Variants in MON1B observed in about 807,000 individuals in gnomAD.
MON1B encodes the protein vacuolar fusion protein MON1 homolog B.
MON1B carries 26 observed loss-of-function variants against 45.1 expected under a neutral mutation model. That is an observed-to-expected ratio of 0.58 (90% CI 0.42 to 0.80). The LOEUF (loss-of-function observed/expected upper bound fraction) is 0.80, where lower values mean the gene tolerates loss of function less well. MON1B is among the 30% of genes least tolerant of loss of function. The pLI is 0.00. For missense variants in MON1B, 737 were observed against 754.5 expected (o/e 0.98, Z 0.27); for synonymous variants, 395 against 320.2 (o/e 1.23, Z -2.49).
Position 77,201,837 on chromosome 16 carries a change from A to G in MON1B, c.*3529A>G, listed in dbSNP as rs568925354. 5 of 152,358 alleles carry G rather than the reference A, an allele frequency of 3.3e-5. No individual in the cohort carries two copies. The highest frequency in any genetic ancestry group is 7.3e-5 in the Non-Finnish European group (5 of 68,030). The allele number at this position is 152,358 out of a possible 1,614,324, so 9.4% of individuals were successfully genotyped here. ...TATTAAAATTAAATTATAAGTTGAT[A>G]GGATTATTATTGACACACAAGGAGC... is the stretch of plus-strand genomic sequence containing the variant. On this transcript the variant is annotated 3_prime_UTR_variant, in exon 6 of 6. Coordinates refer to ENST00000248248, the MANE Select transcript of MON1B (RefSeq NM_014940.4).
chr16:77,195,137 A>G lies in MON1B; in HGVS notation c.1278A>G (p.Gln426=), dbSNP rs1484734688. ...TGGACATCCCTGACCACCACCGCCA[A>G]CTGCCCCAGTTTACCAGGTAGGCCC... is the stretch of plus-strand genomic sequence containing the variant. ...KPLDIPDHHR[Q]LPQFTSPELE... The change falls in exon 4 of 6, where the codon CAA becomes CAG. Residue 426 remains glutamine, a synonymous_variant. Transcript: ENST00000248248. 1 of 1,595,278 alleles carries G rather than the reference A, an allele frequency of 6.3e-7. No homozygotes were observed. The highest frequency in any genetic ancestry group is 1.7e-5 in the Admixed American group (1 of 59,734).
rs1273001153 is a variant in MON1B at position 77,200,270 on chromosome 16, A to ATATATG, written c.*1963_*1964insATATGT. ...TATGTATATGTGTATATATATATAT[A>ATATATG]TGTGTATATATATATATATATACAC... On this transcript the variant is annotated 3_prime_UTR_variant, in exon 6 of 6. Coordinates refer to ENST00000248248, the MANE Select transcript of MON1B (RefSeq NM_014940.4). The ATATATG allele has an allele frequency of 2.6e-4, 25 of 94,998 alleles. No homozygotes were observed. Among genetic ancestry groups the ATATATG allele is most frequent in the African/African-American group, 7.8e-4 (23 of 29,328 alleles). The allele number at this position is 94,998 out of a possible 1,614,324, so 5.9% of individuals were successfully genotyped here. A position where few individuals can be genotyped will look rare whatever the true frequency, so the allele number is the denominator to read the frequency against.
At position 77,191,572 on chromosome 16, in the gene MON1B, A is replaced by T; in HGVS notation, c.87A>T (p.Arg29Ser). ...EDTQFPSEEA[R>S]EGGGVHAVPP... ...CGCAGTTCCCCAGTGAGGAAGCTAG[A>T]GAAGGTGGAGGGGTTCACGCGGTCC... is the stretch of plus-strand genomic sequence containing the variant. Residue 29 changes from arginine to serine, a missense_variant, in exon 2 of 6, where the codon AGA becomes AGT. Arg to Ser is a moderately radical substitution (Grantham distance 110). Transcript: ENST00000248248. The T allele has an allele frequency of 6.2e-7, 1 of 1,609,496 alleles. No individual in the cohort carries two copies. The highest frequency in any genetic ancestry group is 8.5e-7 in the Non-Finnish European group (1 of 1,178,814).
rs750807995 is a variant in MON1B, at chr16:77,191,515, G to A, written c.30G>A (p.Pro10=). The change falls in exon 2 of 6, where the codon CCG becomes CCA. Residue 10 remains proline (P), a synonymous_variant. Transcript: ENST00000248248. ...AGGTCGGAGGAGACACTGCTGCCCC[G>A]GCCCCCGGGGGCGCGGAGGACTTGG... MEVGGDTAA[P]APGGAEDLED... is the part of the protein sequence containing the mutation. 55 of 1,606,828 alleles carry A rather than the reference G, an allele frequency of 3.4e-5. No individual in the cohort carries two copies. Among genetic ancestry groups the A allele is most frequent in the Non-Finnish European group, 4.4e-5 (52 of 1,177,876 alleles).
In MON1B at chr16:77,194,392, G is replaced by A. The variant is rs536373996; in HGVS notation, c.533G>A (p.Arg178Gln). Residue 178 changes from arginine (R) to glutamine (Q), a missense_variant, in exon 4 of 6, where the codon CGG becomes CAG. Arg to Gln is a conservative substitution (Grantham distance 43, BLOSUM62 1). Coordinates refer to ENST00000248248, the MANE Select transcript of MON1B (RefSeq NM_014940.4). The surrounding 1 kb of genome is among the most constrained non-coding windows in gnomAD (Gnocchi z 8.1). ...CCACTGTTGCTCGTGGCCATGTCAC[G>A]GACTTCTCAGTCAGCAGCCCAGCTG... ...QGPLLLVAMS[R>Q]TSQSAAQLRG... 7.3e-5 allele frequency: 118 copies of A among 1,612,706 alleles called. No homozygotes were observed. The highest frequency in any genetic ancestry group is 9.4e-5 in the Non-Finnish European group (111 of 1,179,996).
At position 77,193,602 on chromosome 16, in the gene MON1B, C is replaced by T. The variant is rs1166904993; in HGVS notation, c.300C>T (p.Pro100=). 2 of 1,613,952 alleles carry T rather than the reference C, an allele frequency of 1.2e-6. No homozygotes were observed. Among genetic ancestry groups the T allele is most frequent in the African/African-American group, 1.3e-5 (1 of 74,914 alleles). Residue 100 remains proline (P), a synonymous_variant, in exon 3 of 6, where the codon CCC becomes CCT. Transcript: ENST00000248248. The surrounding 1 kb of genome is among the most constrained non-coding windows in gnomAD (Gnocchi z 5.0). The stretch of plus-strand genomic sequence containing the variant: ...GCTCTGGAGGCCAGGGCGGGGACCC[C>T]AGTGATGAGGAGTGGCGCAGCCAGC... ...ESSSGGQGGD[P]SDEEWRSQRK...
intron 1 of MON1B, 63 bp downstream of exon 1, chr16:77,191,321 G>GT (rs796675036): frequency 7.5e-6 from 11 of 1,457,412 alleles, no homozygotes; most frequent in Non-Finnish European, 9.1e-6. Flanking sequence ...AAGTGTTGGA[G>GT]GGGGGACGTA....
At chr16:77,196,295 T>C (rs1387384143) in intron 5 of MON1B, among the ~76,000 whole-genome samples, 2 of 144,426 alleles carry the variant, frequency 1.4e-5, no homozygotes, top group African/African-American at 5.2e-5. Context: ...AATTTTGTTT[T>C]TAAATTTTTT....
In MON1B at chr16:77,191,223, T is replaced by C. The variant is rs2054611537; in HGVS notation, c.-46T>C. ...TGCCACCGCCGCTACGGGGAAGTAA[T>C]GGTATCCGGCCAATTGAGATTCGGA... On this transcript the variant is annotated 5_prime_UTR_variant, in exon 1 of 6. The change abolishes an upstream ATG in the 5' untranslated region. Coordinates refer to ENST00000248248, the MANE Select transcript of MON1B (RefSeq NM_014940.4). 3 of 1,536,466 alleles carry C rather than the reference T, an allele frequency of 2.0e-6. No homozygotes were observed. Among genetic ancestry groups the C allele is most frequent in the Non-Finnish European group, 2.6e-6 (3 of 1,146,922 alleles).
Position 77,191,646 on chromosome 16 carries a change from T to G in MON1B, c.148+13T>G, listed in dbSNP as rs1222542331. On this transcript the variant is annotated intron_variant, in intron 2 of 5. Transcript: ENST00000248248. ...CTGGAGGAAACAGGTATGACTCCAC[T>G]TAGTGGGGTCTTAAAAGGAATCCTT... is the stretch of plus-strand genomic sequence containing the variant. The G allele has an allele frequency of 1.9e-6, 3 of 1,607,506 alleles. No homozygotes were observed. In the South Asian group the frequency reaches 3.3e-5, roughly 18 times the overall value.
In MON1B at chr16:77,199,338, C is replaced by T. The variant is rs28676830; in HGVS notation, c.*1030C>T. ...GCCCAGAGCTGACTCCTGATTTAAC[C>T]GCTGGCGTAACCGCGGGTTGCACGC... On this transcript the variant is annotated 3_prime_UTR_variant, in exon 6 of 6. Transcript: ENST00000248248. 78 of 1,034,070 alleles carry T rather than the reference C, an allele frequency of 7.5e-5. No homozygotes were observed. Among genetic ancestry groups the T allele is most frequent in the Non-Finnish European group, 9.7e-5 (68 of 699,790 alleles). 64.1% of individuals were successfully genotyped at this position (1,034,070 alleles called of 1,614,324 possible). A position where few individuals can be genotyped will look rare whatever the true frequency, so the allele number is the denominator to read the frequency against.
chr16:77,192,700 TA>T (rs2054626195), intron 2 of MON1B, among the ~76,000 whole-genome samples: 1 of 151,212 alleles, frequency 6.6e-6, no homozygotes, highest in Middle Eastern at 3.2e-3. Context: ...TTGTTGGGGG[TA>T]GGGGGGAGTA....
chr16:77,199,076 C>T lies in MON1B; in HGVS notation c.*768C>T, dbSNP rs982894668. ...TTTGATGAGGATTTGTAAACGAAAACAGACTCGAACTATTGTGTACCACCA... is the reference window on the plus strand; with the variant it reads ...TTTGATGAGGATTTGTAAACGAAAATAGACTCGAACTATTGTGTACCACCA... On this transcript the variant is annotated 3_prime_UTR_variant, in exon 6 of 6. Coordinates refer to ENST00000248248, the MANE Select transcript of MON1B (RefSeq NM_014940.4). 4.4e-5 allele frequency: 9 copies of T among 205,926 alleles called. No homozygotes were observed. Among genetic ancestry groups the T allele is most frequent in the Non-Finnish European group, 6.8e-5 (7 of 103,272 alleles). The allele number at this position is 205,926 out of a possible 1,614,324, so 12.8% of individuals were successfully genotyped here.
At chr16:77,197,342 G>A (rs1214809110) in intron 5 of MON1B, among the ~76,000 whole-genome samples, 1 of 152,180 alleles carries the variant, frequency 6.6e-6, no homozygotes, top group Non-Finnish European at 1.5e-5. Context: ...GTTGCAGTGA[G>A]CCGAGACCGT....
chr16:77,201,273 A>G lies in MON1B; in HGVS notation c.*2965A>G, dbSNP rs1160702337. The G allele has an allele frequency of 2.6e-5, 4 of 152,232 alleles. No homozygotes were observed. In the East Asian group the frequency reaches 5.8e-4, roughly 22 times the overall value. 9.4% of individuals were successfully genotyped at this position (152,232 alleles called of 1,614,324 possible). On this transcript the variant is annotated 3_prime_UTR_variant, in exon 6 of 6. Coordinates refer to ENST00000248248, the MANE Select transcript of MON1B (RefSeq NM_014940.4). ...ACAGACGGAAATAAGACAGATGCAAATAGATCTCATTTATTAACTGTGTAA... is the reference window on the plus strand; with the variant it reads ...ACAGACGGAAATAAGACAGATGCAAGTAGATCTCATTTATTAACTGTGTAA...
Position 77,193,980 on chromosome 16 carries a change from G to A in MON1B, c.475+203G>A. On this transcript the variant is annotated intron_variant, in intron 3 of 5. Coordinates refer to ENST00000248248, the MANE Select transcript of MON1B (RefSeq NM_014940.4). This position sits in a 1 kb window ranked among gnomAD's most constrained non-coding sequence, Gnocchi z 5.0. Reference sequence around the variant, plus strand: ...CTGGTTTCTTAGTGATTGACTTGCTGGGATCTCAGTGACTAGCTGGATACT... The same window carrying A: ...CTGGTTTCTTAGTGATTGACTTGCTAGGATCTCAGTGACTAGCTGGATACT... 1.6e-6 allele frequency: 1 copy of A among 617,378 alleles called. No homozygotes were observed. Among genetic ancestry groups the A allele is most frequent in the Non-Finnish European group, 2.8e-6 (1 of 353,008 alleles). 38.2% of individuals were successfully genotyped at this position (617,378 alleles called of 1,614,324 possible).
chr16:77,200,381 G>A lies in MON1B; in HGVS notation c.*2073G>A, dbSNP rs2054725888. ...GCAGGAGAATCACTTGAACCCGAGA[G>A]GCGGAGGTTGCAGTGAGCCGAGATC... is the stretch of plus-strand genomic sequence containing the variant. On this transcript the variant is annotated 3_prime_UTR_variant, in exon 6 of 6. Transcript: ENST00000248248. 1 of 151,010 alleles carries A rather than the reference G, an allele frequency of 6.6e-6. No homozygotes were observed. The highest frequency in any genetic ancestry group is 1.5e-5 in the Non-Finnish European group (1 of 67,810). 9.4% of individuals were successfully genotyped at this position (151,010 alleles called of 1,614,324 possible).
In MON1B at chr16:77,193,493, C is replaced by A. The variant is rs560508471; in HGVS notation, c.191C>A (p.Pro64His). The A allele has an allele frequency of 3.1e-6, 5 of 1,598,324 alleles. No homozygotes were observed. The South Asian group carries it at 5.6e-5, about 18-fold the overall frequency. Residue 64 changes from proline (P) to histidine (H), a missense_variant, in exon 3 of 6, where the codon CCC (proline) becomes CAC (histidine). Transcript: ENST00000248248. The surrounding 1 kb of genome is among the most constrained non-coding windows in gnomAD (Gnocchi z 5.0). Reference protein sequence around the residue: ...KDQPPSPSPPPQSEALSSTSR... With the variant: ...KDQPPSPSPPHQSEALSSTSR... ...CAGCCACCCAGCCCATCACCACCGCCCCAGTCAGAGGCCCTGTCAAGCACC... is the reference window on the plus strand; with the variant it reads ...CAGCCACCCAGCCCATCACCACCGCACCAGTCAGAGGCCCTGTCAAGCACC...
chr16:77,194,336 G>T lies in MON1B; in HGVS notation c.477G>T (p.Glu159Asp). The T allele has an allele frequency of 1.2e-6, 2 of 1,603,710 alleles. No homozygotes were observed. The highest frequency in any genetic ancestry group is 1.7e-6 in the Non-Finnish European group (2 of 1,179,778). ...AGDAIRAIYA[E>D]DHKLVFLQQG... Reference sequence around the variant, plus strand: ...CCTTCTTACCCCTTCCTTCCCTAGAGGACCACAAGCTGGTGTTCCTACAAC... The same window carrying T: ...CCTTCTTACCCCTTCCTTCCCTAGATGACCACAAGCTGGTGTTCCTACAAC... The change falls in exon 4 of 6, where the codon GAG becomes GAT. Residue 159 changes from glutamate (E) to aspartate (D), a missense_variant and splice_region_variant. Transcript: ENST00000248248. The surrounding 1 kb of genome is among the most constrained non-coding windows in gnomAD (Gnocchi z 8.1).
Sources: gnomAD v4.1 joint callset for allele counts (sites outside exome capture counted in the v4.1 genomes callset) on GRCh38, gnomAD v4.1.1 for gene constraint, Gnocchi (gnomAD v3.1) non-coding constraint, MANE v1.5 for transcripts, NCBI Gene and HGNC (gene_info 2026-07-23, HGNC 2026-07-21) for gene names.